Variants in SCG5 observed in about 807,000 individuals in gnomAD.
SCG5 encodes secretogranin V.
Under a neutral mutation model 25.7 loss-of-function variants are expected in SCG5, and 18 were observed. The observed-to-expected ratio is 0.70, with a 90% CI of 0.48 to 1.04. The LOEUF is 1.04. SCG5 is among the 50% of genes least tolerant of loss of function. The pLI is 0.00. For synonymous variants in SCG5, 101 were observed against 91.7 expected (o/e 1.10, Z -0.58); for missense variants, 206 against 259.8 (o/e 0.79, Z 1.42).
At chr15:32,646,376 A>G (rs1033411354) in intron 2 of SCG5, among the ~76,000 whole-genome samples, 1 of 152,190 alleles carries the variant, frequency 6.6e-6, no homozygotes, top group Non-Finnish European at 1.5e-5. Context: ...CATTTGAATT[A>G]TATTGTAGGA....
At position 32,690,710 on chromosome 15, in the gene SCG5, C is replaced by T. The variant is rs376603296; in HGVS notation, c.490-1000C>T. Among the ~76,000 whole-genome samples, 30 of 152,026 alleles carry T rather than the reference C, an allele frequency of 2.0e-4. 1 individual carries two copies. Among genetic ancestry groups the T allele is most frequent in the Middle Eastern group, 3.4e-3 (1 of 294 alleles). ...TCTTGGCATTTGTCATTTTCAATTC[C>T]AAATCTATCACTAAAAATAAGTCTT... On this transcript the variant is annotated intron_variant, in intron 4 of 5. Coordinates refer to ENST00000300175, the MANE Select transcript of SCG5 (RefSeq NM_001144757.3).
At chr15:32,674,697 G>T (rs1396688229) in intron 2 of SCG5, among the ~76,000 whole-genome samples, 1 of 152,178 alleles carries the variant, frequency 6.6e-6, no homozygotes, top group East Asian at 1.9e-4. Flanking sequence ...GGCAAAACTT[G>T]GAGCTGAGGT....
At chr15:32,663,078 T>A (rs28743070) in intron 2 of SCG5, among the ~76,000 whole-genome samples, 859 of 52,098 alleles carry the variant, frequency 0.016, 34 homozygotes, top group East Asian at 0.13. Context: ...TATATATATA[T>A]AATATATAAT....
intron 2 of SCG5, among the ~76,000 whole-genome samples, chr15:32,644,204 C>T (rs2053909699): frequency 6.6e-6 from 1 of 152,176 alleles, no homozygotes; most frequent in Non-Finnish European, 1.5e-5. Flanking sequence ...GATGTTTTCT[C>T]CTCACTGCTG....
At chr15:32,691,812 A>G in intron 5 of SCG5, 49 bp downstream of exon 5, 1 of 1,599,876 alleles carries the variant, frequency 6.3e-7, no homozygotes, top group African/African-American at 1.3e-5. Flanking sequence ...GAGCTTTCTG[A>G]GTGGGGCAGT....
chr15:32,654,384 G>C (rs1429675677), intron 2 of SCG5, among the ~76,000 whole-genome samples: 1 of 152,146 alleles, frequency 6.6e-6, no homozygotes, highest in African/African-American at 2.4e-5. Context: ...TCACATTGGG[G>C]ATTAGGCTTC....
At chr15:32,651,652 C>A (rs1283009495) in intron 2 of SCG5, among the ~76,000 whole-genome samples, 1 of 152,196 alleles carries the variant, frequency 6.6e-6, no homozygotes, top group African/African-American at 2.4e-5. Context: ...GCCCAATGGG[C>A]CCATGCCTTT....
Position 32,680,194 on chromosome 15 carries a change from C to CTTT in SCG5, c.376+296_376+298dup, listed in dbSNP as rs10549438. Among the ~76,000 whole-genome samples the CTTT allele has an allele frequency of 5.2e-3, 601 of 114,554 alleles. 6 individuals carry two copies. The highest frequency in any genetic ancestry group is 8.1e-3 in the Non-Finnish European group (445 of 54,920). 75.2% of individuals were successfully genotyped at this position (114,554 alleles called of 152,430 possible). Reference sequence around the variant, plus strand: ...GATGCACTTTTCTGCACTTGCTACTCTTTTTTTTTTTTTTTTTTTGAGACA... The same window carrying CTTT: ...GATGCACTTTTCTGCACTTGCTACTCTTTTTTTTTTTTTTTTTTTTTTGAGACA... On this transcript the variant is annotated intron_variant, in intron 3 of 5. Transcript: ENST00000300175.
intron 4 of SCG5, among the ~76,000 whole-genome samples, chr15:32,685,172 TGCTGTCAGTCCTAGGTAAGTGCATATA>T (rs1288733718): frequency 2.0e-5 from 3 of 152,246 alleles, no homozygotes; most frequent in Non-Finnish European, 4.4e-5. Flanking sequence ...GCAGTGAGAT[TGCTGTCAGTCCTAGGTAAGTGCATATA>T]GCTGTCAGTT....
At chr15:32,653,068 T>C (rs1314147599) in intron 2 of SCG5, among the ~76,000 whole-genome samples, 1 of 152,190 alleles carries the variant, frequency 6.6e-6, no homozygotes, top group Non-Finnish European at 1.5e-5. Context: ...AACAGTACAA[T>C]GTAAAAAATT....
At chr15:32,678,019 C>T (rs1211622222) in intron 2 of SCG5, among the ~76,000 whole-genome samples, 2 of 152,120 alleles carry the variant, frequency 1.3e-5, no homozygotes, top group Admixed American at 6.5e-5. Flanking sequence ...AATTATTTAG[C>T]AAATGCTGGT....
chr15:32,685,114 T>C (rs1217795540), intron 4 of SCG5, among the ~76,000 whole-genome samples: 1 of 152,244 alleles, frequency 6.6e-6, no homozygotes, highest in African/African-American at 2.4e-5. Context: ...GAAACAGATA[T>C]ATATAATTCT....
intron 2 of SCG5, among the ~76,000 whole-genome samples, chr15:32,647,548 A>G (rs2053962936): frequency 6.6e-6 from 1 of 152,048 alleles, no homozygotes; most frequent in Non-Finnish European, 1.5e-5. Context: ...CCTTCTAGTT[A>G]CTGTTCCAAT....
intron 2 of SCG5, among the ~76,000 whole-genome samples, chr15:32,658,899 G>A (rs779854792): frequency 8.5e-5 from 13 of 152,178 alleles, no homozygotes; most frequent in Non-Finnish European, 1.8e-4. Context: ...AGAGAGGGCC[G>A]GGCGTGGTGG....
chr15:32,669,345 G>C (rs145683923), intron 2 of SCG5, among the ~76,000 whole-genome samples: 180 of 152,232 alleles, frequency 1.2e-3, no homozygotes, highest in Non-Finnish European at 1.9e-3. Context: ...CCAGATGCTA[G>C]AGAGCCCAAG....
At chr15:32,657,652 C>G (rs1227980975) in intron 2 of SCG5, among the ~76,000 whole-genome samples, 6 of 152,188 alleles carry the variant, frequency 3.9e-5, no homozygotes, top group African/African-American at 1.4e-4. Context: ...AGCTTGCTCT[C>G]CGTGGTTTGA....
At chr15:32,663,698 T>C (rs1285450915) in intron 2 of SCG5, among the ~76,000 whole-genome samples, 2 of 152,166 alleles carry the variant, frequency 1.3e-5, no homozygotes, top group African/African-American at 2.4e-5. Flanking sequence ...TTGGGATTTT[T>C]TTCAGTGCCA....
At chr15:32,653,980 T>C (rs1404672623) in intron 2 of SCG5, among the ~76,000 whole-genome samples, 25 of 152,202 alleles carry the variant, frequency 1.6e-4, no homozygotes, top group Admixed American at 1.6e-3. Context: ...GTATTTTGCT[T>C]TTGAATCTCT....
intron 2 of SCG5, chr15:32,666,621 G>A (rs1033109907): frequency 3.9e-5 from 6 of 152,202 alleles, no homozygotes; most frequent in African/African-American, 1.4e-4. Context: ...AAGATAACTT[G>A]TTCAGGACCA....
Sources: gnomAD v4.1 joint callset for allele counts (sites outside exome capture counted in the v4.1 genomes callset) on GRCh38, gnomAD v4.1.1 for gene constraint, MANE v1.5 for transcripts, NCBI Gene and HGNC (gene_info 2026-07-23, HGNC 2026-07-21) for gene names.